Variants in GRID2 observed in about 807,000 individuals in gnomAD.
GRID2 encodes glutamate ionotropic receptor delta type subunit 2.
A neutral mutation model predicts 114.8 loss-of-function variants in GRID2; 33 were observed. The observed-to-expected ratio is 0.29, with a 90% CI of 0.22 to 0.38. GRID2 has a LOEUF of 0.38. Ranked by LOEUF, GRID2 falls within the 10% of genes least tolerant of loss-of-function variation. GRID2 has a pLI of 1.00. For missense variants in GRID2, 1,184 were observed against 1,257.7 expected, an observed-to-expected ratio of 0.94 and a Z score of 0.89; for synonymous variants, 505 against 449.9, an observed-to-expected ratio of 1.12 and a Z score of -1.55.
intron 1 of GRID2, among the ~76,000 whole-genome samples, chr4:92,520,845 C>G (rs1724734521): frequency 6.6e-6 from 1 of 151,840 alleles, no homozygotes; most frequent in Non-Finnish European, 1.5e-5. Flanking sequence ...CCCTTTGTAA[C>G]TAAGATCTCT....
chr4:93,765,614 AT>A (rs1733601356), intron 14 of GRID2, among the ~76,000 whole-genome samples: 1 of 145,862 alleles, frequency 6.9e-6, no homozygotes, highest in African/African-American at 2.6e-5. Context: ...GGTATTATAT[AT>A]ATATATATAT....
intron 2 of GRID2, among the ~76,000 whole-genome samples, chr4:92,793,660 A>C (rs533033006): frequency 1.3e-5 from 2 of 152,014 alleles, no homozygotes; most frequent in South Asian, 2.1e-4. Flanking sequence ...ATTATTAATG[A>C]AAATAAGCCT....
intron 1 of GRID2, among the ~76,000 whole-genome samples, chr4:92,314,010 T>C (rs959581451): frequency 9.2e-5 from 14 of 152,126 alleles, no homozygotes; most frequent in African/African-American, 3.4e-4. Context: ...AGTAAAATGA[T>C]TTAAAATTGA....
At chr4:93,561,138 A>G (rs1734886944) in intron 13 of GRID2, among the ~76,000 whole-genome samples, 1 of 152,158 alleles carries the variant, frequency 6.6e-6, no homozygotes, top group African/African-American at 2.4e-5. Flanking sequence ...AGATAATGGA[A>G]TGGACAAAAT....
chr4:93,524,404 C>T (rs952528306), intron 13 of GRID2, among the ~76,000 whole-genome samples: 2 of 151,970 alleles, frequency 1.3e-5, no homozygotes, highest in African/African-American at 2.4e-5. Flanking sequence ...CTGTGTCAGT[C>T]ATCACACAAA....
At chr4:92,880,177 C>G (rs942433017) in intron 2 of GRID2, among the ~76,000 whole-genome samples, 13 of 152,076 alleles carry the variant, frequency 8.5e-5, no homozygotes, top group African/African-American at 3.1e-4. Flanking sequence ...CAAAGCAACT[C>G]AAGATTAAGT....
chr4:92,749,132 T>C (rs1737306810), intron 2 of GRID2, among the ~76,000 whole-genome samples: 1 of 151,454 alleles, frequency 6.6e-6, no homozygotes, highest in Admixed American at 6.6e-5. Context: ...TAGCTGGGAC[T>C]ATAGGCGCGC....
chr4:93,205,328 C>A (rs181766022), intron 4 of GRID2, among the ~76,000 whole-genome samples: 8 of 151,784 alleles, frequency 5.3e-5, no homozygotes, highest in African/African-American at 1.9e-4. Context: ...TAATAATAGT[C>A]CCTGGAGTGT....
rs527643298 is a variant in GRID2, at chr4:92,723,318, A to G, written c.244+133032A>G. 5.9e-5 allele frequency among the ~76,000 whole-genome samples: 9 copies of G among 152,266 alleles called. No homozygotes were observed. The East Asian group carries it at 1.2e-3, about 20-fold the overall frequency. On this transcript the variant is annotated intron_variant, in intron 2 of 15. Transcript: ENST00000282020. ...GAAAAATTTCAATAAATTACTTTGTATAGCTTGCACCAGCCACACTTTAAG... is the reference window on the plus strand; with the variant it reads ...GAAAAATTTCAATAAATTACTTTGTGTAGCTTGCACCAGCCACACTTTAAG...
chr4:92,338,415 A>G (rs1046143604), intron 1 of GRID2, among the ~76,000 whole-genome samples: 3 of 152,160 alleles, frequency 2.0e-5, no homozygotes, highest in African/African-American at 7.2e-5. Context: ...AAAGGTCTAA[A>G]TATTGTCTAC....
intron 2 of GRID2, among the ~76,000 whole-genome samples, chr4:92,817,132 T>A (rs981230152): frequency 1.3e-5 from 2 of 152,108 alleles, no homozygotes; most frequent in African/African-American, 2.4e-5. Flanking sequence ...CACTAAGTCA[T>A]GTTCAATCTG....
intron 14 of GRID2, among the ~76,000 whole-genome samples, chr4:93,644,285 G>A (rs1721897780): frequency 2.1e-5 from 1 of 48,278 alleles, no homozygotes; most frequent in Non-Finnish European, 4.1e-5. Context: ...CGTCGCTCAC[G>A]CTGGGAGCTG....
chr4:92,344,546 G>A (rs1727670569), intron 1 of GRID2, among the ~76,000 whole-genome samples: 1 of 152,114 alleles, frequency 6.6e-6, no homozygotes, highest in Non-Finnish European at 1.5e-5. Context: ...CTGTGATTTG[G>A]GCAGTGCTCG....
intron 1 of GRID2, among the ~76,000 whole-genome samples, chr4:92,588,539 C>T (rs1328215845): frequency 2.0e-5 from 3 of 151,546 alleles, no homozygotes; most frequent in Non-Finnish European, 1.5e-5. Flanking sequence ...ATTAGCTGGG[C>T]GCGGTGGCAG....
At position 93,703,773 on chromosome 4, in the gene GRID2, G is replaced by A. The variant is rs561328701; in HGVS notation, c.2361-65437G>A. Among the ~76,000 whole-genome samples, 828 of 151,458 alleles carry A rather than the reference G, an allele frequency of 5.5e-3. 9 individuals carry two copies. Among genetic ancestry groups the A allele is most frequent in the African/African-American group, 0.019 (779 of 41,262 alleles). On this transcript the variant is annotated intron_variant, in intron 14 of 15. Transcript: ENST00000282020. ...TGGTTTTTTGTCCTTGAGATAGTTTGCTGAGAATGATGGTTTCCACCTTCA... is the reference window on the plus strand; with the variant it reads ...TGGTTTTTTGTCCTTGAGATAGTTTACTGAGAATGATGGTTTCCACCTTCA...
At chr4:93,576,682 T>G (rs1736455940) in intron 13 of GRID2, among the ~76,000 whole-genome samples, 1 of 152,180 alleles carries the variant, frequency 6.6e-6, no homozygotes, top group African/African-American at 2.4e-5. Flanking sequence ...GACGTTTTAG[T>G]GAGTCTGTGT....
intron 2 of GRID2, among the ~76,000 whole-genome samples, chr4:92,645,848 T>C (rs1731587599): frequency 6.6e-6 from 1 of 151,590 alleles, no homozygotes; most frequent in Non-Finnish European, 1.5e-5. Context: ...CAGGTTGTTT[T>C]TCCTGTCTCC....
chr4:93,008,745 T>C (rs918341955), intron 2 of GRID2, among the ~76,000 whole-genome samples: 7 of 152,142 alleles, frequency 4.6e-5, no homozygotes, highest in African/African-American at 1.4e-4. Context: ...CGGCCATAGA[T>C]AGCTGTTTTT....
intron 14 of GRID2, among the ~76,000 whole-genome samples, chr4:93,631,305 G>A (rs1268294672): frequency 6.6e-6 from 1 of 151,790 alleles, no homozygotes; most frequent in Non-Finnish European, 1.5e-5. Flanking sequence ...CCATGTTGGT[G>A]TGCTGCACCC....
Sources: allele counts gnomAD v4.1 joint callset (sites outside exome capture counted in the v4.1 genomes callset), GRCh38; gene constraint gnomAD v4.1.1; transcripts MANE v1.5; gene names NCBI Gene and HGNC (gene_info 2026-07-23, HGNC 2026-07-21).